Variants in KRT10 observed in about 807,000 individuals in gnomAD.
The protein encoded by KRT10 is keratin 10, also known as keratin, type I cytoskeletal 10.
A neutral mutation model predicts 59.2 loss-of-function variants in KRT10; 40 were observed. The ratio of observed to expected loss-of-function variants is 0.68; its 90% CI spans 0.52 to 0.88. The LOEUF (loss-of-function observed/expected upper bound fraction) is 0.88. KRT10 is among the 40% of genes least tolerant of loss of function. The pLI is 0.00. For synonymous variants in KRT10, 336 were observed against 310.7 expected (o/e 1.08, Z -0.86); for missense variants, 719 against 749.1 (o/e 0.96, Z 0.47).
rs140700628 is a variant in KRT10 at position 40,820,589 on chromosome 17, G to A, written c.789C>T (p.Thr263=). The A allele has an allele frequency of 2.9e-4, 476 of 1,614,054 alleles. No homozygotes were observed. Among genetic ancestry groups the A allele is most frequent in the Non-Finnish European group, 3.1e-4 (360 of 1,180,034 alleles). Residue 263 remains threonine (T), a synonymous_variant, in exon 3 of 8, where the codon ACC becomes ACT. Coordinates refer to ENST00000269576, the MANE Select transcript of KRT10 (RefSeq NM_000421.5). ...NGLRRVLDEL[T]LTKADLEMQI... ...GCATCTCCAGGTCAGCCTTGGTCAG[G>A]GTCAGCTCATCCAGCACCCTACGCA...
chr17:40,818,495 T>C lies in KRT10; in HGVS notation c.1749-13A>G, dbSNP rs1054025936. The C allele has an allele frequency of 5.1e-6, 8 of 1,565,020 alleles. No homozygotes were observed. The highest frequency in any genetic ancestry group is 2.2e-5 in the South Asian group (2 of 90,052). On this transcript the variant is annotated splice_polypyrimidine_tract_variant and intron_variant, in intron 7 of 7. Transcript: ENST00000269576. ...GTTTTGTTAGTATCTGTGTGAATGA[T>C]GGAAAAAAAATTTTAAACAGTCTGT...
intron 5 of KRT10, 45 bp from the exon 6 acceptor site, chr17:40,819,779 G>C: frequency 6.8e-7 from 1 of 1,471,428 alleles, no homozygotes; most frequent in Non-Finnish European, 9.5e-7. Flanking sequence ...TTGTTCAGTT[G>C]AGTATGGTGA....
Position 40,820,604 on chromosome 17 carries a change from C to T in KRT10, c.774G>A (p.Val258=), listed in dbSNP as rs779416729. 4 of 1,614,256 alleles carry T rather than the reference C, an allele frequency of 2.5e-6. No individual in the cohort carries two copies. The highest frequency in any genetic ancestry group is 2.7e-5 in the African/African-American group (2 of 75,068). The change falls in exon 3 of 8, where the codon GTG becomes GTA. Residue 258 remains valine, a synonymous_variant. Transcript: ENST00000269576. ...CCTTGGTCAGGGTCAGCTCATCCAGCACCCTACGCAGGCCGTTGATGTCAG... is the reference window on the plus strand; with the variant it reads ...CCTTGGTCAGGGTCAGCTCATCCAGTACCCTACGCAGGCCGTTGATGTCAG... ...VEADINGLRR[V]LDELTLTKAD...
At chr17:40,819,907 C>T in intron 5 of KRT10, 142 bp downstream of exon 5, 2 of 1,168,942 alleles carry the variant, frequency 1.7e-6, no homozygotes, top group Admixed American at 1.8e-5. Flanking sequence ...ACTAGTAGTA[C>T]TTTTCCTCCA....
In KRT10 at chr17:40,818,901, C is replaced by CTGCCGCCGCCGGAGCTGT; in HGVS notation, c.1633_1634insACAGCTCCGGCGGCGGCA (p.Gly545delinsAspSerSerGlyGlyGlySer). 7.0e-7 allele frequency: 1 copy of CTGCCGCCGCCGGAGCTGT among 1,432,926 alleles called. No homozygotes were observed. Among genetic ancestry groups the CTGCCGCCGCCGGAGCTGT allele is most frequent in the South Asian group, 1.4e-5 (1 of 72,734 alleles). The allele number at this position is 1,432,926 out of a possible 1,614,324, so 88.8% of individuals were successfully genotyped here. On this transcript the variant is annotated protein_altering_variant, in exon 7 of 8. Transcript: ENST00000269576. ...GGAGCTGCTGCCGCCGCCGGAGCTGCCGCCCCCGTAGCCGCCGCCGCCGCC... is the reference window on the plus strand; with the variant it reads ...GGAGCTGCTGCCGCCGCCGGAGCTGCTGCCGCCGCCGGAGCTGTCGCCCCCGTAGCCGCCGCCGCCGCC...
At chr17:40,820,956 T>C in intron 2 of KRT10, 79 bp downstream of exon 2, 2 of 1,139,912 alleles carry the variant, frequency 1.8e-6, no homozygotes, top group African/African-American at 1.5e-5. Context: ...GTAAATGTTA[T>C]TGAGGGCATC....
Position 40,820,540 on chromosome 17 carries a change from G to C in KRT10, c.838C>G (p.Leu280Val), listed in dbSNP as rs1278160285. The stretch of plus-strand genomic sequence containing the variant: ...TCGTGGTTCTTCTTCAGATAGGCCA[G>C]CTCTTCAGTCAGGCTCTCAATTTGC... ...EMQIESLTEE[L>V]AYLKKNHEEE... Residue 280 changes from leucine (L) to valine (V), a missense_variant, in exon 3 of 8, where the codon CTG becomes GTG. Physicochemically the swap from Leu to Val is conservative, Grantham distance 32 (BLOSUM62 1). Around this residue, in one of 4 missense-constraint regions of KRT10, gnomAD observed 221 missense variants for 277.8 expected, o/e 0.80. Transcript: ENST00000269576. 1.2e-6 allele frequency: 2 copies of C among 1,614,214 alleles called. No homozygotes were observed.
Position 40,822,276 on chromosome 17 carries a change from C to T in KRT10, c.310G>A (p.Gly104Arg), listed in dbSNP as rs1320428973. ...FGGSYGGIFG[G>R]GSFGGGSFGG... is the part of the protein sequence containing the mutation. Reference sequence around the variant, plus strand: ...AAGCTGCCACCTCCGAAACTGCCCCCTCCAAAGATGCCTCCATAACTCCCA... The same window carrying T: ...AAGCTGCCACCTCCGAAACTGCCCCTTCCAAAGATGCCTCCATAACTCCCA... Residue 104 changes from glycine to arginine, a missense_variant, in exon 1 of 8, where the codon GGG becomes AGG. Gly to Arg is a moderately radical substitution (Grantham distance 125). Around this residue, in one of 4 missense-constraint regions of KRT10, gnomAD observed 176 missense variants for 175.7 expected, o/e 1.00. Transcript: ENST00000269576. 6.2e-7 allele frequency: 1 copy of T among 1,600,896 alleles called. No homozygotes were observed. Among genetic ancestry groups the T allele is most frequent in the Admixed American group, 1.7e-5 (1 of 59,184 alleles).
Position 40,819,059 on chromosome 17 carries a change from G to A in KRT10, c.1476C>T (p.Gly492=), listed in dbSNP as rs1384477961. The A allele has an allele frequency of 1.1e-5, 8 of 708,686 alleles. No individual in the cohort carries two copies. Among genetic ancestry groups the A allele is most frequent in the Non-Finnish European group, 1.9e-6 (1 of 516,774 alleles). The allele number at this position is 708,686 out of a possible 1,614,324, so 43.9% of individuals were successfully genotyped here. A position where few individuals can be genotyped will look rare whatever the true frequency, so the allele number is the denominator to read the frequency against. Residue 492 remains glycine (G), a synonymous_variant, in exon 7 of 8, where the codon GGC becomes GGT. Transcript: ENST00000269576. ...SSGGGHGGGH[G]GSSGGGYGGG... ...CTCCGTAGCCGCCGCCGGAACTGCCGCCGTGGCCGCCGCCGTGGCCGCCGC... is the reference window on the plus strand; with the variant it reads ...CTCCGTAGCCGCCGCCGGAACTGCCACCGTGGCCGCCGCCGTGGCCGCCGC...
chr17:40,818,966 G>T lies in KRT10; in HGVS notation c.1569C>A (p.Gly523=), dbSNP rs755521518. 2.9e-6 allele frequency: 4 copies of T among 1,362,524 alleles called. No homozygotes were observed. The highest frequency in any genetic ancestry group is 3.4e-5 in the African/African-American group (2 of 59,482). The allele number at this position is 1,362,524 out of a possible 1,614,324, so 84.4% of individuals were successfully genotyped here. Residue 523 remains glycine (G), a synonymous_variant, in exon 7 of 8, where the codon GGC becomes GGA. Transcript: ENST00000269576. The part of the protein sequence containing the change: ...YGGGSSSGGH[G]GSSSGGYGGG... ...CACCGTAGCCGCCGCTGGAACTGCCGCCGTGGCCGCCGCTGGAGCTTCCGC... is the reference window on the plus strand; with the variant it reads ...CACCGTAGCCGCCGCTGGAACTGCCTCCGTGGCCGCCGCTGGAGCTTCCGC...
Position 40,819,122 on chromosome 17 carries a change from G to A in KRT10, c.1413C>T (p.Gly471=), listed in dbSNP as rs745745648. 1.3e-6 allele frequency: 2 copies of A among 1,523,814 alleles called. No homozygotes were observed. The highest frequency in any genetic ancestry group is 2.0e-5 in the Admixed American group (1 of 50,768). 94.4% of individuals were successfully genotyped at this position (1,523,814 alleles called of 1,614,324 possible). Residue 471 remains glycine (G), a synonymous_variant, in exon 7 of 8, where the codon GGC becomes GGT. Coordinates refer to ENST00000269576, the MANE Select transcript of KRT10 (RefSeq NM_000421.5). ...GGGRGGGSFG[G]GYGGGSSGGG... Reference sequence around the variant, plus strand: ...CGCCGGAGCTTCCGCCGCCGTAGCCGCCGCCGAAACTTCCGCCGCCGCGTC... The same window carrying A: ...CGCCGGAGCTTCCGCCGCCGTAGCCACCGCCGAAACTTCCGCCGCCGCGTC...
At position 40,822,604 on chromosome 17, in the gene KRT10, A is replaced by C. The variant is rs757830825; in HGVS notation, c.-19T>G. The C allele has an allele frequency of 1.3e-6, 2 of 1,599,628 alleles. No individual in the cohort carries two copies. Among genetic ancestry groups the C allele is most frequent in the East Asian group, 2.2e-5 (1 of 44,882 alleles). ...CAGACATGGTGATGCTGTTTAGCCC[A>C]GGGAGTGCCTGCTACCAAGGACAGT... On this transcript the variant is annotated 5_prime_UTR_variant, in exon 1 of 8. Coordinates refer to ENST00000269576, the MANE Select transcript of KRT10 (RefSeq NM_000421.5).
At chr17:40,821,525 A>G (rs1905382008) in intron 1 of KRT10, among the ~76,000 whole-genome samples, 3 of 152,328 alleles carry the variant, frequency 2.0e-5, no homozygotes, top group South Asian at 2.1e-4. Flanking sequence ...CAATTCAGAA[A>G]TTCCTTAGAG....
chr17:40,818,685 A>T, intron 7 of KRT10, 102 bp downstream of exon 7: 4 of 1,563,176 alleles, frequency 2.6e-6, no homozygotes, highest in Non-Finnish European at 3.5e-6. Flanking sequence ...AACCGTCTCT[A>T]AGATTTTTAA....
Position 40,819,065 on chromosome 17 carries a change from G to GAA in KRT10, c.1469_1470insTT (p.His491SerfsTer129). On this transcript the variant is annotated frameshift_variant, in exon 7 of 8. Coordinates refer to ENST00000269576, the MANE Select transcript of KRT10 (RefSeq NM_000421.5). LOFTEE classifies it high-confidence loss of function. ...AGCCGCCGCCGGAACTGCCGCCGTG[G>GAA]CCGCCGCCGTGGCCGCCGCCGGAGC... is the stretch of plus-strand genomic sequence containing the variant. 4 of 713,448 alleles carry GAA rather than the reference G, an allele frequency of 5.6e-6. No individual in the cohort carries two copies. The highest frequency in any genetic ancestry group is 4.8e-5 in the Admixed American group (1 of 20,800). 44.2% of individuals were successfully genotyped at this position (713,448 alleles called of 1,614,324 possible). A position where few individuals can be genotyped will look rare whatever the true frequency, so the allele number is the denominator to read the frequency against.
rs1905486769 is a variant in KRT10 at position 40,822,508 on chromosome 17, T to G, written c.78A>C (p.Gly26=). The part of the protein sequence containing the change: ...SGGGGGGGGC[G]GGGGVSSLRI... ...TTAGGGATGACACTCCTCCTCCTCC[T>G]CCACATCCTCCTCCTCCTCCTCCTC... Residue 26 remains glycine, a synonymous_variant, in exon 1 of 8, where the codon GGA becomes GGC. Coordinates refer to ENST00000269576, the MANE Select transcript of KRT10 (RefSeq NM_000421.5). 6.2e-7 allele frequency: 1 copy of G among 1,611,632 alleles called. No individual in the cohort carries two copies. The highest frequency in any genetic ancestry group is 1.7e-5 in the Admixed American group (1 of 59,942).
At chr17:40,821,452 A>G (rs1905376698) in intron 1 of KRT10, among the ~76,000 whole-genome samples, 1 of 152,098 alleles carries the variant, frequency 6.6e-6, no homozygotes, top group Non-Finnish European at 1.5e-5. Flanking sequence ...TCACACCTGC[A>G]TTTGTTTAAC....
chr17:40,822,105 A>G lies in KRT10; in HGVS notation c.481T>C (p.Leu161=). The G allele has an allele frequency of 6.2e-7, 1 of 1,614,072 alleles. No individual in the cohort carries two copies. The highest frequency in any genetic ancestry group is 8.5e-7 in the Non-Finnish European group (1 of 1,179,996). ...QNLNDRLASY[L]DKVRALEESN... ...TCTTCCAGAGCCCGAACTTTGTCCA[A>G]GTAGGAAGCCAGGCGGTCATTCAGA... is the stretch of plus-strand genomic sequence containing the variant. Residue 161 remains leucine (L), a synonymous_variant, in exon 1 of 8, where the codon TTG becomes CTG. Coordinates refer to ENST00000269576, the MANE Select transcript of KRT10 (RefSeq NM_000421.5).
intron 6 of KRT10, 43 bp downstream of exon 6, chr17:40,819,474 T>A (rs780031140): frequency 1.3e-6 from 2 of 1,549,384 alleles, no homozygotes; most frequent in South Asian, 1.1e-5. Flanking sequence ...ATCTGGAATA[T>A]TGAATAAAAG....
Sources: allele counts gnomAD v4.1 joint callset (sites outside exome capture counted in the v4.1 genomes callset), GRCh38; gene constraint gnomAD v4.1.1; regional missense constraint gnomAD v4.1.1; transcripts MANE v1.5; gene names NCBI Gene and HGNC (gene_info 2026-07-23, HGNC 2026-07-21).